MARK4: variants seen among roughly 807,000 people sequenced by gnomAD.
MARK4 encodes the protein microtubule affinity regulating kinase 4, also known as MAP/microtubule affinity-regulating kinase 4.
MARK4 carries 19 observed loss-of-function variants against 81.5 expected under a neutral mutation model. The ratio of observed to expected loss-of-function variants is 0.23; its 90% CI spans 0.16 to 0.34. The LOEUF (loss-of-function observed/expected upper bound fraction) is 0.34, where lower values mean the gene tolerates loss of function less well. Ranked by LOEUF, MARK4 falls within the 10% of genes least tolerant of loss-of-function variation. The pLI is 1.00. For missense variants in MARK4, 772 were observed against 1,058.8 expected (o/e 0.73, Z 3.76); for synonymous variants, 436 against 439.0 (o/e 0.99, Z 0.08).
intron 2 of MARK4, among the ~76,000 whole-genome samples, chr19:45,260,389 CAA>C (rs35221473): frequency 1.7e-4 from 19 of 110,852 alleles, no homozygotes; most frequent in Admixed American, 3.1e-4. Context: ...GACTTTGTCT[CAA>C]AAAAAAAAAA....
Position 45,271,422 on chromosome 19 carries a change from A to G in MARK4, c.550-50A>G, listed in dbSNP as rs12984234. 405,398 of 1,573,800 alleles carry G rather than the reference A, an allele frequency of 0.26. 55,629 individuals carry two copies. The highest frequency in any genetic ancestry group is 0.29 in the Non-Finnish European group (333,201 of 1,150,286). On this transcript the variant is annotated intron_variant, in intron 7 of 16. Coordinates refer to ENST00000262891, the MANE Select transcript of MARK4 (RefSeq NM_001199867.2). This position sits in a 1 kb window ranked among gnomAD's most constrained non-coding sequence, Gnocchi z 4.1. ...CCTGTCTGCCTCCCACGTCCATGAA[A>G]GGCTTTGGCCTTGAGTCCCACTTTC...
chr19:45,270,584 G>A (rs1172007104), intron 7 of MARK4, among the ~76,000 whole-genome samples: 2 of 152,062 alleles, frequency 1.3e-5, no homozygotes, highest in Non-Finnish European at 2.9e-5. Context: ...TACTCGCTGG[G>A]TATGAAATAC....
chr19:45,298,098 T>TCC, intron 15 of MARK4, 144 bp downstream of exon 15: 4 of 1,591,808 alleles, frequency 2.5e-6, no homozygotes, highest in Admixed American at 1.7e-5. Flanking sequence ...CTCCTCCTCC[T>TCC]TTCCTCCTCC....
chr19:45,280,191 A>T, intron 10 of MARK4, 183 bp from the exon 11 acceptor site: 1 of 582,932 alleles, frequency 1.7e-6, no homozygotes, highest in East Asian at 3.0e-5. Context: ...TCTACTGAAA[A>T]TACAAAAACT....
At chr19:45,264,330 C>A (rs767513348) in intron 4 of MARK4, among the ~76,000 whole-genome samples, 7 of 151,834 alleles carry the variant, frequency 4.6e-5, no homozygotes, top group Non-Finnish European at 7.4e-5. Context: ...GGAGAAACCC[C>A]GTATCTATTA....
chr19:45,255,534 C>G (rs1029300025), intron 1 of MARK4, among the ~76,000 whole-genome samples: 1 of 140,218 alleles, frequency 7.1e-6, no homozygotes, highest in Non-Finnish European at 1.5e-5. Context: ...GCACTCCAGC[C>G]TGGGCAACAA....
At chr19:45,276,143 C>G (rs1303306600) in intron 8 of MARK4, among the ~76,000 whole-genome samples, 2 of 152,206 alleles carry the variant, frequency 1.3e-5, no homozygotes, top group Admixed American at 1.3e-4. Context: ...CCTCCTGCTT[C>G]AGCCTCCTGA....
chr19:45,251,667 CCCTGGCTGGGTCCAG>C, intron 1 of MARK4, 28 bp downstream of exon 1: 1 of 1,511,404 alleles, frequency 6.6e-7, no homozygotes, highest in Non-Finnish European at 8.8e-7. Context: ...CCTTGGGGAG[CCCTGGCTGGGTCCAG>C]CCGCCAAACC....
intron 5 of MARK4, 21 bp from the exon 6 acceptor site, chr19:45,264,819 C>A (rs369064539): frequency 9.3e-6 from 15 of 1,613,974 alleles, no homozygotes; most frequent in Non-Finnish European, 1.3e-5. Flanking sequence ...ACCCTGACCC[C>A]GCTCGGCCTC....
chr19:45,273,242 C>T (rs139899869), intron 8 of MARK4, among the ~76,000 whole-genome samples: 20 of 152,104 alleles, frequency 1.3e-4, no homozygotes, highest in Middle Eastern at 6.8e-3. Flanking sequence ...GCTTCACAAT[C>T]GCTGGCCTGT....
In MARK4 at chr19:45,259,722, G is replaced by T. The variant is rs1309156360; in HGVS notation, c.252+533G>T. 3.3e-5 allele frequency among the ~76,000 whole-genome samples: 5 copies of T among 152,062 alleles called. No individual in the cohort carries two copies. The East Asian group carries it at 9.7e-4, about 29-fold the overall frequency. Reference sequence around the variant, plus strand: ...CTCAGGAGTTTGAGGCTGCGGTGAGGTGTGACCTCACCACTGCACTCCAGC... The same window carrying T: ...CTCAGGAGTTTGAGGCTGCGGTGAGTTGTGACCTCACCACTGCACTCCAGC... On this transcript the variant is annotated intron_variant, in intron 2 of 16. Transcript: ENST00000262891.
At position 45,280,582 on chromosome 19, in the gene MARK4, G is replaced by A. The variant is rs747208586; in HGVS notation, c.1124G>A (p.Gly375Glu). Residue 375 changes from glycine (G) to glutamate (E), a missense_variant, in exon 12 of 17, where the codon GGG becomes GAG. By Grantham distance (98) the Gly-to-Glu change is moderately conservative. Around this residue, in one of 3 missense-constraint regions of MARK4, gnomAD observed 548 missense variants for 624.3 expected, o/e 0.88. Transcript: ENST00000262891. Reference protein sequence around the residue: ...LLLGRKTEEGGDRGAPGLALA... With the variant: ...LLLGRKTEEGEDRGAPGLALA... Reference sequence around the variant, plus strand: ...TCTGTCATCCTCTCGCAGGAGGGTGGGGACCGGGGCGCCCCAGGGCTGGCC... The same window carrying A: ...TCTGTCATCCTCTCGCAGGAGGGTGAGGACCGGGGCGCCCCAGGGCTGGCC... 5.6e-6 allele frequency: 9 copies of A among 1,613,640 alleles called. No homozygotes were observed. Among genetic ancestry groups the A allele is most frequent in the Non-Finnish European group, 7.6e-6 (9 of 1,179,826 alleles).
Position 45,271,807 on chromosome 19 carries a change from TG to T in MARK4, c.786+101del. ...CTGCAGAGGGCCTCAGTGGTGGGAC[TG>T]GCCTGAGTTCTCATGGGAAGATGGG... On this transcript the variant is annotated intron_variant, in intron 8 of 16. Coordinates refer to ENST00000262891, the MANE Select transcript of MARK4 (RefSeq NM_001199867.2). The surrounding 1 kb of genome is among the most constrained non-coding windows in gnomAD (Gnocchi z 4.1). The T allele has an allele frequency of 8.7e-7, 1 of 1,151,552 alleles. No individual in the cohort carries two copies. The highest frequency in any genetic ancestry group is 1.5e-5 in the South Asian group (1 of 68,330). The allele number at this position is 1,151,552 out of a possible 1,614,324, so 71.3% of individuals were successfully genotyped here. A position where few individuals can be genotyped will look rare whatever the true frequency, so the allele number is the denominator to read the frequency against.
Position 45,302,835 on chromosome 19 carries a change from G to T in MARK4, c.*125G>T. ...CCTCAGTTTCCCTGAATTATATTTG[G>T]GGGCAAAGATTGTCCCCTCTGCTGT... On this transcript the variant is annotated 3_prime_UTR_variant, in exon 17 of 17. Coordinates refer to ENST00000262891, the MANE Select transcript of MARK4 (RefSeq NM_001199867.2). This position sits in a 1 kb window ranked among gnomAD's most constrained non-coding sequence, Gnocchi z 4.9. The T allele has an allele frequency of 7.1e-7, 1 of 1,399,304 alleles. No homozygotes were observed. Among genetic ancestry groups the T allele is most frequent in the South Asian group, 1.4e-5 (1 of 70,054 alleles). 86.7% of individuals were successfully genotyped at this position (1,399,304 alleles called of 1,614,324 possible).
In MARK4 at chr19:45,266,138, G is replaced by C. The variant is rs368544687; in HGVS notation, c.493-87G>C. Reference sequence around the variant, plus strand: ...AGGCTGTGCCTTGGGGAGGCCTGGGGCCCAGCTGTGAGTGGTTTCACAGTC... The same window carrying C: ...AGGCTGTGCCTTGGGGAGGCCTGGGCCCCAGCTGTGAGTGGTTTCACAGTC... On this transcript the variant is annotated intron_variant, in intron 6 of 16. Coordinates refer to ENST00000262891, the MANE Select transcript of MARK4 (RefSeq NM_001199867.2). The C allele has an allele frequency of 1.7e-4, 227 of 1,371,388 alleles. No homozygotes were observed. In the African/African-American group the frequency reaches 2.7e-3, roughly 16 times the overall value. 85.0% of individuals were successfully genotyped at this position (1,371,388 alleles called of 1,614,324 possible). A position where few individuals can be genotyped will look rare whatever the true frequency, so the allele number is the denominator to read the frequency against.
rs1179076520 is a variant in MARK4 at position 45,263,101 on chromosome 19, C to T, written c.253-12C>T. ...CACCTTGACCGTCCCTCCTCCTTTC[C>T]TCCCCCTCTAGGTTGCCATCAAGAT... On this transcript the variant is annotated splice_polypyrimidine_tract_variant and intron_variant, in intron 2 of 16. Coordinates refer to ENST00000262891, the MANE Select transcript of MARK4 (RefSeq NM_001199867.2). The T allele has an allele frequency of 1.9e-6, 3 of 1,600,520 alleles. No individual in the cohort carries two copies. The highest frequency in any genetic ancestry group is 2.6e-6 in the Non-Finnish European group (3 of 1,172,866).
chr19:45,272,498 G>A (rs955196200), intron 8 of MARK4, among the ~76,000 whole-genome samples: 1 of 152,140 alleles, frequency 6.6e-6, no homozygotes, highest in African/African-American at 2.4e-5. Flanking sequence ...ACAGAAAGTG[G>A]ATTACTGGTT....
intron 15 of MARK4, chr19:45,298,188 T>C: frequency 3.1e-6 from 5 of 1,614,072 alleles, no homozygotes; most frequent in South Asian, 1.1e-5. Context: ...ACCGCTGTGT[T>C]TCGGGCGCCT....
intron 16 of MARK4, among the ~76,000 whole-genome samples, chr19:45,301,035 A>G (rs1970964260): frequency 6.6e-6 from 1 of 152,092 alleles, no homozygotes; most frequent in Non-Finnish European, 1.5e-5. Flanking sequence ...CCTCTTGCAC[A>G]TTGGAGAATG....
Sources: allele counts gnomAD v4.1 joint callset (sites outside exome capture counted in the v4.1 genomes callset), GRCh38; gene constraint gnomAD v4.1.1; regional missense constraint gnomAD v4.1.1; non-coding constraint Gnocchi (gnomAD v3.1); transcripts MANE v1.5; gene names NCBI Gene and HGNC (gene_info 2026-07-23, HGNC 2026-07-21).